The following ITGAE variants were observed in gnomAD, a reference collection of about 807,000 sequenced individuals.
The protein encoded by ITGAE is integrin subunit alpha E.
ITGAE carries 99 observed loss-of-function variants against 136.5 expected under a neutral mutation model. That is an observed-to-expected ratio of 0.73 (90% CI 0.62 to 0.86). The LOEUF (loss-of-function observed/expected upper bound fraction) is 0.86, where lower values mean the gene tolerates loss of function less well. Ranked by LOEUF, ITGAE falls within the 40% of genes least tolerant of loss-of-function variation. The probability of loss-of-function intolerance (pLI) is 0.00; values close to 1 mark genes in which losing one functional copy is unlikely to be tolerated. For synonymous variants in ITGAE, 613 were observed against 591.8 expected (o/e 1.04, Z -0.52); for missense variants, 1,447 against 1,515.3 (o/e 0.95, Z 0.75).
intron 21 of ITGAE, 140 bp downstream of exon 21, chr17:3,734,677 T>C: frequency 9.9e-7 from 1 of 1,005,714 alleles, no homozygotes; most frequent in Admixed American, 2.2e-5. Context: ...CGGGGATTTA[T>C]CTAGTTATTA....
intron 2 of ITGAE, among the ~76,000 whole-genome samples, chr17:3,764,595 GC>G (rs765008995): frequency 2.0e-5 from 3 of 152,140 alleles, no homozygotes; most frequent in Non-Finnish European, 4.4e-5. Context: ...TACTCAGGAG[GC>G]TGAGGCAGGA....
chr17:3,732,306 A>C (rs1389075329), intron 22 of ITGAE, 62 bp downstream of exon 22: 2 of 1,227,200 alleles, frequency 1.6e-6, no homozygotes, highest in African/African-American at 3.0e-5. Context: ...AGATGAGACC[A>C]AGATGCAGAA....
intron 8 of ITGAE, 89 bp from the exon 9 acceptor site, chr17:3,757,948 A>G: frequency 1.4e-6 from 2 of 1,461,422 alleles, no homozygotes; most frequent in Non-Finnish European, 1.9e-6. Context: ...CCTGTATTAG[A>G]ATTGGGAGGG....
intron 2 of ITGAE, among the ~76,000 whole-genome samples, chr17:3,769,904 G>A (rs1263338702): frequency 6.6e-6 from 1 of 152,018 alleles, no homozygotes; most frequent in Non-Finnish European, 1.5e-5. Context: ...TGTTGGCCAG[G>A]CTGCTCTTGA....
rs1242797491 is a variant in ITGAE at position 3,742,458 on chromosome 17, T to G, written c.2448+1031A>C. On this transcript the variant is annotated intron_variant, in intron 19 of 30. Transcript: ENST00000263087. ...GAAATATATATTGAAGGTTTGTGGT[T>G]TTTTTTTTTTTTTTGAGACGGAGTC... 2.7e-5 allele frequency among the ~76,000 whole-genome samples: 4 copies of G among 147,732 alleles called. No homozygotes were observed. The East Asian group carries it at 7.8e-4, about 29-fold the overall frequency.
At chr17:3,760,429 G>C in intron 6 of ITGAE, 142 bp from the exon 7 acceptor site, 2 of 60,708 alleles carry the variant, frequency 3.3e-5, no homozygotes, top group Non-Finnish European at 6.8e-5. Context: ...CAAGAGGGAA[G>C]CTTTTTTTTT....
chr17:3,755,830 C>G lies in ITGAE; in HGVS notation c.1239G>C (p.Glu413Asp). The change falls in exon 11 of 31, where the codon GAG becomes GAC. Residue 413 changes from glutamate to aspartate, a missense_variant and splice_region_variant. This residue lies in a region of ITGAE where 1,031 missense variants were observed against 1,011.4 expected (regional missense o/e 1.02). Coordinates refer to ENST00000263087, the MANE Select transcript of ITGAE (RefSeq NM_002208.5). ...QIGFSAQILD[E>D]RQVLLGAVGA... is the part of the protein sequence containing the mutation. ...GCCTGGTGCTGAGTCAGCCACGTAC[C>G]TCATCCAGGATCTGAGCACTGAAGC... The G allele has an allele frequency of 1.8e-5, 28 of 1,592,112 alleles. No individual in the cohort carries two copies. The highest frequency in any genetic ancestry group is 2.1e-5 in the Non-Finnish European group (24 of 1,169,890).
intron 1 of ITGAE, among the ~76,000 whole-genome samples, chr17:3,783,595 T>C (rs550256979): frequency 3.9e-5 from 6 of 152,370 alleles, no homozygotes; most frequent in African/African-American, 1.4e-4. Flanking sequence ...TTCCTAACAG[T>C]AAAAGTCATT....
chr17:3,747,641 T>C (rs2051749741), intron 17 of ITGAE, among the ~76,000 whole-genome samples: 1 of 152,034 alleles, frequency 6.6e-6, no homozygotes, highest in African/African-American at 2.4e-5. Context: ...ACTCAACCCT[T>C]CAACCCTGAG....
intron 17 of ITGAE, among the ~76,000 whole-genome samples, chr17:3,746,661 T>C (rs1185004187): frequency 6.6e-6 from 1 of 152,194 alleles, no homozygotes; most frequent in South Asian, 2.1e-4. Flanking sequence ...CGTTTCACCA[T>C]GTTAGCCAGG....
At chr17:3,724,864 G>A (rs201711774) in intron 26 of ITGAE, 7 of 1,613,948 alleles carry the variant, frequency 4.3e-6, no homozygotes, top group African/African-American at 2.7e-5. Flanking sequence ...GAGGCCGTCC[G>A]GAGAGAGCAT....
intron 20 of ITGAE, among the ~76,000 whole-genome samples, chr17:3,738,687 C>T (rs771332409): frequency 3.9e-5 from 6 of 152,204 alleles, no homozygotes; most frequent in Non-Finnish European, 7.3e-5. Context: ...TTAATTTTAA[C>T]TCATGTACAT....
chr17:3,731,246 T>C, intron 22 of ITGAE, 63 bp from the exon 23 acceptor site: 1 of 1,258,770 alleles, frequency 7.9e-7, no homozygotes, highest in Admixed American at 1.7e-5. Context: ...TTCAGACCGC[T>C]AGCTACTCGT....
chr17:3,722,838 T>C (rs1045118958), intron 28 of ITGAE, among the ~76,000 whole-genome samples: 1 of 152,236 alleles, frequency 6.6e-6, no homozygotes, highest in African/African-American at 2.4e-5. Flanking sequence ...CACAATCTAA[T>C]GTCTGCTCTT....
chr17:3,721,446 AT>A (rs906335721), intron 28 of ITGAE, among the ~76,000 whole-genome samples: 27 of 147,552 alleles, frequency 1.8e-4, no homozygotes, highest in African/African-American at 6.3e-4. Context: ...TAATTTATGT[AT>A]TTATTTATTT....
chr17:3,714,887 G>T lies in ITGAE; in HGVS notation c.3500C>A (p.Ala1167Asp). The change falls in exon 31 of 31, where the codon GCC becomes GAC. Residue 1167 changes from alanine to aspartate, a missense_variant. Around this residue, in one of 3 missense-constraint regions of ITGAE, gnomAD observed 1,031 missense variants for 1,011.4 expected, o/e 1.02. Transcript: ENST00000263087. ...GAGCAGATTCTCTGATTTCAGCTGG[G>T]CCTTCCTGATGCTCTCCAAGTTCAG... is the stretch of plus-strand genomic sequence containing the variant. Reference protein sequence around the residue: ...QQLNLESIRKAQLKSENLLEE... With the variant: ...QQLNLESIRKDQLKSENLLEE... 1 of 1,611,192 alleles carries T rather than the reference G, an allele frequency of 6.2e-7. No individual in the cohort carries two copies.
chr17:3,764,294 T>C (rs936856859), intron 2 of ITGAE, among the ~76,000 whole-genome samples: 3 of 152,134 alleles, frequency 2.0e-5, no homozygotes, highest in Non-Finnish European at 4.4e-5. Context: ...GTTGGTTCTG[T>C]TGGGGGCAGT....
At chr17:3,732,077 A>AAAGCAAAC (rs1555519124) in intron 22 of ITGAE, among the ~76,000 whole-genome samples, 2 of 150,678 alleles carry the variant, frequency 1.3e-5, no homozygotes, top group Admixed American at 6.6e-5. Flanking sequence ...CTCCATCTCA[A>AAAGCAAAC]AAACAAACAA....
At chr17:3,725,921 C>T (rs768280704) in intron 26 of ITGAE, 1 of 1,613,506 alleles carries the variant, frequency 6.2e-7, no homozygotes, top group Non-Finnish European at 8.5e-7. Flanking sequence ...AAACCAGCCT[C>T]AAAAAACTCC....
Sources: allele counts gnomAD v4.1 joint callset (sites outside exome capture counted in the v4.1 genomes callset), GRCh38; gene constraint gnomAD v4.1.1; regional missense constraint gnomAD v4.1.1; transcripts MANE v1.5; gene names NCBI Gene and HGNC (gene_info 2026-07-23, HGNC 2026-07-21).